The following EML4 variants were observed in gnomAD, a reference collection of about 807,000 sequenced individuals.
EML4 encodes the protein EMAP like 4.
In EML4, 72 loss-of-function variants were observed where a neutral mutation model predicts 129.0. The observed-to-expected ratio is 0.56, with a 90% confidence interval of 0.46 to 0.68. EML4 has a LOEUF of 0.68. Among genes scored for constraint, EML4 ranks in the 30% least tolerant of loss-of-function variants. EML4 has a pLI of 0.00. For missense variants in EML4, 1,363 were observed against 1,190.6 expected (o/e 1.14, Z -2.13); for synonymous variants, 532 against 405.0 (o/e 1.31, Z -3.77).
At position 42,303,207 on chromosome 2, in the gene EML4, A is replaced by T. The variant is rs756616037; in HGVS notation, c.1745A>T (p.Asp582Val). The T allele has an allele frequency of 5.0e-6, 8 of 1,614,202 alleles. No individual in the cohort carries two copies. Among genetic ancestry groups the T allele is most frequent in the Non-Finnish European group, 6.8e-6 (8 of 1,180,010 alleles). Residue 582 changes from aspartate (D) to valine (V), a missense_variant, in exon 15 of 23, where the codon GAT (aspartate) becomes GTT (valine). By Grantham distance (152) the Asp-to-Val change is radical. Transcript: ENST00000318522. ...RNFILRGTFN[D>V]GFQIEVQGHT... ...TTTATTTTACGAGGAACATTTAATG[A>T]TGGCTTCCAAATAGAAGTACAGGTA... is the stretch of plus-strand genomic sequence containing the variant.
chr2:42,251,504 A>C (rs1459700605), intron 2 of EML4, among the ~76,000 whole-genome samples: 3 of 152,254 alleles, frequency 2.0e-5, no homozygotes, highest in African/African-American at 7.2e-5. Context: ...CTAAGGGTAC[A>C]TCTTCCTGTG....
chr2:42,327,366 T>C (rs1669863378), intron 21 of EML4, among the ~76,000 whole-genome samples: 1 of 152,152 alleles, frequency 6.6e-6, no homozygotes, highest in African/African-American at 2.4e-5. Flanking sequence ...TACCTAGGAG[T>C]AGAATTGCTG....
Position 42,301,359 on chromosome 2 carries a change from G to A in EML4, c.1608G>A (p.Trp536Ter). ...GGAAAGACAGAAAAATAATTCTGTG[G>A]GATCATGATCTGAATCCTGAAAGAG... ...GGGKDRKIIL[W>*]DHDLNPEREI... The change falls in exon 14 of 23, where the codon TGG becomes TGA. Residue 536 changes from tryptophan to a stop codon, truncating the protein, a stop_gained. Transcript: ENST00000318522. LOFTEE classifies it high-confidence loss of function. 6.2e-7 allele frequency: 1 copy of A among 1,612,670 alleles called. No homozygotes were observed. The highest frequency in any genetic ancestry group is 8.5e-7 in the Non-Finnish European group (1 of 1,179,334).
chr2:42,327,581 T>C (rs1037120182), intron 21 of EML4, among the ~76,000 whole-genome samples: 4 of 152,236 alleles, frequency 2.6e-5, no homozygotes, highest in African/African-American at 9.6e-5. Flanking sequence ...AGGAGAATTA[T>C]ATAAAGATAA....
chr2:42,312,074 GT>G (rs927673370), intron 17 of EML4, among the ~76,000 whole-genome samples: 6 of 152,070 alleles, frequency 3.9e-5, no homozygotes, highest in African/African-American at 1.4e-4. Context: ...CAAAGTGCCA[GT>G]TTTCCTGCTT....
intron 17 of EML4, among the ~76,000 whole-genome samples, chr2:42,311,414 G>A (rs990601426): frequency 6.6e-6 from 1 of 152,064 alleles, no homozygotes; most frequent in Non-Finnish European, 1.5e-5. Context: ...TTAGCCAGGC[G>A]TGGTAGCACA....
intron 1 of EML4, among the ~76,000 whole-genome samples, chr2:42,242,118 C>T (rs1675077364): frequency 6.6e-6 from 1 of 151,810 alleles, no homozygotes. Flanking sequence ...GGTAAGTTAC[C>T]AAGCTGGTAC....
Position 42,282,839 on chromosome 2 carries a change from A to G in EML4, c.808A>G (p.Lys270Glu). The change falls in exon 8 of 23, where the codon AAG becomes GAG. Residue 270 changes from lysine to glutamate, a missense_variant. Transcript: ENST00000318522. ...KLEWAYGYRG[K>E]DCRANVYLLP... ...TCTGTTAAGATATGGTTATCGAGGAAAGGACTGTAGAGCTAATGTTTACCT... is the reference window on the plus strand; with the variant it reads ...TCTGTTAAGATATGGTTATCGAGGAGAGGACTGTAGAGCTAATGTTTACCT... 3 of 1,612,668 alleles carry G rather than the reference A, an allele frequency of 1.9e-6. No homozygotes were observed. Among genetic ancestry groups the G allele is most frequent in the South Asian group, 1.1e-5 (1 of 90,930 alleles).
intron 1 of EML4, among the ~76,000 whole-genome samples, chr2:42,199,022 T>G (rs1672060467): frequency 6.6e-6 from 1 of 152,108 alleles, no homozygotes; most frequent in Non-Finnish European, 1.5e-5. Flanking sequence ...TCTTGGGGGT[T>G]TAGGCTGGAG....
intron 1 of EML4, among the ~76,000 whole-genome samples, chr2:42,186,340 GA>G (rs397870228): frequency 0.025 from 3,597 of 144,544 alleles, 132 homozygotes; most frequent in African/African-American, 0.085. Context: ...CTTTATACTT[GA>G]AAAAAAAAAA....
chr2:42,178,988 T>C (rs1218842581), intron 1 of EML4, among the ~76,000 whole-genome samples: 2 of 152,248 alleles, frequency 1.3e-5, no homozygotes, highest in East Asian at 3.8e-4. Context: ...AAGCAGGTTG[T>C]CTGCATGGTC....
chr2:42,171,758 A>T (rs1450821450), intron 1 of EML4, among the ~76,000 whole-genome samples: 10 of 151,886 alleles, frequency 6.6e-5, no homozygotes, highest in Non-Finnish European at 1.3e-4. Flanking sequence ...GTATTTCTGG[A>T]GCTGTTCTTG....
chr2:42,265,098 C>CTT (rs147902234), intron 6 of EML4: 600 of 693,348 alleles, frequency 8.7e-4, no homozygotes, highest in South Asian at 1.5e-3. Flanking sequence ...CTACATTTTA[C>CTT]TTTTTTTTTT....
chr2:42,302,487 C>G (rs1668339756), intron 14 of EML4, among the ~76,000 whole-genome samples: 1 of 152,026 alleles, frequency 6.6e-6, no homozygotes, highest in East Asian at 1.9e-4. Context: ...AGTAACAAAA[C>G]CCGACCACAT....
intron 1 of EML4, among the ~76,000 whole-genome samples, chr2:42,205,529 A>G (rs1204675363): frequency 7.1e-6 from 1 of 141,542 alleles, no homozygotes; most frequent in Admixed American, 6.9e-5. Flanking sequence ...ACTCACAGTA[A>G]GCACTCAATA....
rs1669752765 is a variant in EML4, at chr2:42,325,602, T to TTATTTATATATATATATATATATATA, written c.2242+51_2242+52insTTATATATATATATATATATATATAT. On this transcript the variant is annotated intron_variant, in intron 20 of 22. Transcript: ENST00000318522. ...ATATATATATATGCTATGATTATAT[T>TTATTTATATATATATATATATATATA]TATATATATATATATATATATATAT... 4 of 124,300 alleles carry TTATTTATATATATATATATATATATA rather than the reference T, an allele frequency of 3.2e-5. No individual in the cohort carries two copies. In the South Asian group the frequency reaches 5.9e-4, roughly 18 times the overall value. 7.7% of individuals were successfully genotyped at this position (124,300 alleles called of 1,614,324 possible). A position where few individuals can be genotyped will look rare whatever the true frequency, so the allele number is the denominator to read the frequency against.
At chr2:42,326,071 G>C in intron 20 of EML4, 83 bp from the exon 21 acceptor site, 1 of 1,530,488 alleles carries the variant, frequency 6.5e-7, no homozygotes, top group South Asian at 1.3e-5. Flanking sequence ...ACAAGTAAAC[G>C]TGGCTAGTTT....
Position 42,286,379 on chromosome 2 carries a change from A to G in EML4, c.1122A>G (p.Ala374=), listed in dbSNP as rs550310771. The stretch of plus-strand genomic sequence containing the variant: ...TAGGATGCCTGGATTTTTCAAAAGC[A>G]GTAAGTAACAATTTTTAGAGAAGTA... ...RGVGCLDFSK[A]DSGVHLCIID... is the part of the protein sequence containing the mutation. The change falls in exon 10 of 23, where the codon GCA becomes GCG. Residue 374 remains alanine (A), a splice_region_variant and synonymous_variant. Transcript: ENST00000318522. 1.3e-6 allele frequency: 2 copies of G among 1,580,070 alleles called. No individual in the cohort carries two copies. Among genetic ancestry groups the G allele is most frequent in the Middle Eastern group, 1.7e-4 (1 of 5,988 alleles).
intron 1 of EML4, among the ~76,000 whole-genome samples, chr2:42,208,570 A>C (rs984753571): frequency 6.6e-6 from 1 of 151,424 alleles, no homozygotes; most frequent in Admixed American, 6.6e-5. Flanking sequence ...AGTAGCTGAG[A>C]TTACAGGCAC....
Sources: gnomAD v4.1 joint callset for allele counts (sites outside exome capture counted in the v4.1 genomes callset) on GRCh38, gnomAD v4.1.1 for gene constraint, MANE v1.5 for transcripts, NCBI Gene and HGNC (gene_info 2026-07-23, HGNC 2026-07-21) for gene names.